The following ERBB4 variants were observed in gnomAD, a reference collection of about 807,000 sequenced individuals.
The protein encoded by ERBB4 is receptor tyrosine-protein kinase erbB-4.
Under a neutral mutation model 158.0 loss-of-function variants are expected in ERBB4, and 42 were observed. The ratio of observed to expected loss-of-function variants is 0.27; its 90% CI spans 0.21 to 0.34. ERBB4 has a LOEUF of 0.34. Ranked by LOEUF, ERBB4 falls within the 10% of genes least tolerant of loss-of-function variation. The probability of loss-of-function intolerance (pLI) is 1.00; values close to 1 mark genes in which losing one functional copy is unlikely to be tolerated. For missense variants in ERBB4, 1,333 were observed against 1,624.1 expected, an observed-to-expected ratio of 0.82 and a Z score of 3.08; for synonymous variants, 583 against 558.7, an observed-to-expected ratio of 1.04 and a Z score of -0.61.
intron 3 of ERBB4, among the ~76,000 whole-genome samples, chr2:211,789,058 A>C (rs1007602868): frequency 1.3e-5 from 2 of 152,166 alleles, no homozygotes; most frequent in Non-Finnish European, 2.9e-5. Flanking sequence ...GATAGCTTTA[A>C]GTTATCCAGG....
At chr2:211,813,446 A>T (rs939742041) in intron 3 of ERBB4, among the ~76,000 whole-genome samples, 1 of 152,206 alleles carries the variant, frequency 6.6e-6, no homozygotes, top group Non-Finnish European at 1.5e-5. Flanking sequence ...TCCATGGCAC[A>T]TTCTACACTT....
intron 3 of ERBB4, among the ~76,000 whole-genome samples, chr2:211,791,404 A>C (rs897670251): frequency 6.6e-6 from 1 of 151,858 alleles, no homozygotes; most frequent in Non-Finnish European, 1.5e-5. Flanking sequence ...GTTTCCCCCC[A>C]CTAACATGAA....
chr2:211,562,209 T>A, intron 19 of ERBB4, 121 bp from the exon 20 acceptor site: 1 of 791,884 alleles, frequency 1.3e-6, no homozygotes, highest in Admixed American at 2.1e-5. Flanking sequence ...ATGGAATCAA[T>A]CAAAATGAAA....
intron 1 of ERBB4, among the ~76,000 whole-genome samples, chr2:212,213,112 T>A (rs1481165170): frequency 1.3e-5 from 2 of 151,788 alleles, no homozygotes; most frequent in Non-Finnish European, 2.9e-5. Context: ...AAAGAAACTA[T>A]CACTCAAGTG....
chr2:211,609,011 C>T (rs1191485079), intron 19 of ERBB4, among the ~76,000 whole-genome samples: 1 of 152,084 alleles, frequency 6.6e-6, no homozygotes, highest in Admixed American at 6.6e-5. Context: ...CTAACTATGA[C>T]CATTCCTAAG....
rs181650193 is a variant in ERBB4 at position 211,617,686 on chromosome 2, C to T, written c.2301+1491G>A. On this transcript the variant is annotated intron_variant, in intron 19 of 27. Transcript: ENST00000342788. ...AAGTAGTTTTATATAAAGTAGTTAG[C>T]ATTATACATAAATAAATTATTCAAG... 3.6e-4 allele frequency among the ~76,000 whole-genome samples: 54 copies of T among 152,072 alleles called. 1 individual carries two copies. The highest frequency in any genetic ancestry group is 4.7e-4 in the Non-Finnish European group (32 of 67,954).
chr2:211,438,178 G>A lies in ERBB4; in HGVS notation c.2488-7078C>T, dbSNP rs1007171174. ...ATTTCACCTCTGCTATAAAAGTGAT[G>A]GATTGGCCGAAATGATCTCTGAGGT... On this transcript the variant is annotated intron_variant, in intron 20 of 27. Coordinates refer to ENST00000342788, the MANE Select transcript of ERBB4 (RefSeq NM_005235.3). 7.9e-5 allele frequency among the ~76,000 whole-genome samples: 12 copies of A among 152,114 alleles called. 1 individual carries two copies. Among genetic ancestry groups the A allele is most frequent in the Admixed American group, 2.6e-4 (4 of 15,262 alleles).
Position 211,820,853 on chromosome 2 carries a change from T to C in ERBB4, c.422-32694A>G, listed in dbSNP as rs1420156194. Among the ~76,000 whole-genome samples the C allele has an allele frequency of 2.6e-5, 4 of 151,748 alleles. No individual in the cohort carries two copies. In the South Asian group the frequency reaches 6.2e-4, roughly 24 times the overall value. On this transcript the variant is annotated intron_variant, in intron 3 of 27. Transcript: ENST00000342788. ...GACAAAAACTATGTGATCATCTTAA[T>C]GGATGCAGAAAATCAGGATAAGAAC... is the stretch of plus-strand genomic sequence containing the variant.
At chr2:211,587,854 T>C (rs796681799) in intron 19 of ERBB4, among the ~76,000 whole-genome samples, 1 of 152,212 alleles carries the variant, frequency 6.6e-6, no homozygotes. Context: ...CCTGGGATTA[T>C]ATTCCTGGAA....
At chr2:212,533,734 T>C (rs760701653) in intron 1 of ERBB4, among the ~76,000 whole-genome samples, 1 of 152,206 alleles carries the variant, frequency 6.6e-6, no homozygotes, top group Non-Finnish European at 1.5e-5. Context: ...AACATGTAAT[T>C]TGGTTCCATA....
At chr2:211,598,246 C>G (rs1240005708) in intron 19 of ERBB4, among the ~76,000 whole-genome samples, 8 of 152,100 alleles carry the variant, frequency 5.3e-5, no homozygotes, top group African/African-American at 1.9e-4. Context: ...TCCTCTGCAA[C>G]TAGATCATCA....
intron 20 of ERBB4, among the ~76,000 whole-genome samples, chr2:211,452,508 T>A (rs2125481342): frequency 6.6e-6 from 1 of 152,290 alleles, no homozygotes; most frequent in Non-Finnish European, 1.5e-5. Flanking sequence ...ACCCTATTTC[T>A]TACCATTTTC....
chr2:212,394,479 G>A (rs2090967705), intron 1 of ERBB4, among the ~76,000 whole-genome samples: 1 of 151,848 alleles, frequency 6.6e-6, no homozygotes. Flanking sequence ...CCACCATCTT[G>A]ACCATTTATA....
At chr2:211,684,920 C>T (rs992517978) in intron 12 of ERBB4, among the ~76,000 whole-genome samples, 1 of 152,190 alleles carries the variant, frequency 6.6e-6, no homozygotes, top group Non-Finnish European at 1.5e-5. Flanking sequence ...GGGTTTCCTC[C>T]CATCTCCTCA....
chr2:212,181,669 CAATT>C (rs1020986827), intron 1 of ERBB4, among the ~76,000 whole-genome samples: 15 of 151,738 alleles, frequency 9.9e-5, no homozygotes, highest in Non-Finnish European at 1.6e-4. Context: ...AAATAAGTCA[CAATT>C]AATAAAAATC....
intron 1 of ERBB4, among the ~76,000 whole-genome samples, chr2:212,280,160 G>T (rs1048412502): frequency 5.3e-5 from 8 of 151,414 alleles, no homozygotes; most frequent in African/African-American, 1.9e-4. Flanking sequence ...ATAATAAAAG[G>T]TTGTACCTCA....
chr2:212,089,011 G>GA (rs1476076488), intron 2 of ERBB4, among the ~76,000 whole-genome samples: 1 of 152,028 alleles, frequency 6.6e-6, no homozygotes, highest in African/African-American at 2.4e-5. Flanking sequence ...GTAGAATTCT[G>GA]AAATAATAAT....
At chr2:211,551,454 T>A (rs1342248548) in intron 20 of ERBB4, among the ~76,000 whole-genome samples, 4 of 152,188 alleles carry the variant, frequency 2.6e-5, no homozygotes, top group Non-Finnish European at 5.9e-5. Flanking sequence ...ATTTTAATAT[T>A]TATCTTTTAT....
intron 20 of ERBB4, among the ~76,000 whole-genome samples, chr2:211,539,758 A>C (rs1344856669): frequency 6.6e-6 from 1 of 151,980 alleles, no homozygotes; most frequent in African/African-American, 2.4e-5. Context: ...CCTCCCTAAG[A>C]GAGAAGGCAG....
Sources: allele counts gnomAD v4.1 joint callset (sites outside exome capture counted in the v4.1 genomes callset), GRCh38; gene constraint gnomAD v4.1.1; transcripts MANE v1.5; gene names NCBI Gene and HGNC (gene_info 2026-07-23, HGNC 2026-07-21).